Variants in ULK4 observed in about 807,000 individuals in gnomAD.
ULK4 encodes inactive serine/threonine-protein kinase ULK4.
A neutral mutation model predicts 160.6 loss-of-function variants in ULK4; 133 were observed. That is an observed-to-expected ratio of 0.83 (90% CI 0.72 to 0.96). ULK4 has a LOEUF of 0.96. Among genes scored for constraint, ULK4 ranks in the 40% least tolerant of loss-of-function variants. ULK4 has a pLI of 0.00. For missense variants in ULK4, 1,580 were observed against 1,499.5 expected (o/e 1.05, Z -0.89); for synonymous variants, 534 against 539.8 (o/e 0.99, Z 0.15).
intron 17 of ULK4, among the ~76,000 whole-genome samples, chr3:41,873,565 T>C (rs933791369): frequency 1.3e-5 from 2 of 152,216 alleles, no homozygotes; most frequent in African/African-American, 2.4e-5. Context: ...TTTTGTTTTT[T>C]GTTTTCGAGA....
At chr3:41,685,835 C>T (rs777033128) in intron 27 of ULK4, among the ~76,000 whole-genome samples, 6 of 152,012 alleles carry the variant, frequency 3.9e-5, no homozygotes, top group Non-Finnish European at 5.9e-5. Context: ...CCAGTGAAGC[C>T]TTGTATGGGA....
intron 34 of ULK4, among the ~76,000 whole-genome samples, chr3:41,445,694 C>G (rs1425553440): frequency 1.3e-5 from 2 of 152,114 alleles, no homozygotes; most frequent in East Asian, 3.9e-4. Context: ...AAACTGGATC[C>G]CTTCCTTACA....
intron 30 of ULK4, among the ~76,000 whole-genome samples, chr3:41,630,021 C>A (rs1410289179): frequency 6.6e-6 from 1 of 152,148 alleles, no homozygotes; most frequent in Non-Finnish European, 1.5e-5. Flanking sequence ...CTGAGTAGCA[C>A]TAGCCTACGT....
At chr3:41,518,817 C>G (rs539579418) in intron 32 of ULK4, among the ~76,000 whole-genome samples, 9 of 152,262 alleles carry the variant, frequency 5.9e-5, no homozygotes, top group African/African-American at 2.2e-4. Flanking sequence ...ATTTCCTGAG[C>G]GTCAGCAGCC....
chr3:41,926,059 C>T (rs1699374750), intron 5 of ULK4, among the ~76,000 whole-genome samples: 2 of 152,150 alleles, frequency 1.3e-5, no homozygotes, highest in Non-Finnish European at 2.9e-5. Context: ...GATTGGGAGA[C>T]ACTTCCCAGT....
chr3:41,430,609 G>A lies in ULK4; in HGVS notation c.3492+24888C>T, dbSNP rs139741281. Reference sequence around the variant, plus strand: ...GTACATTACTTCAGCACATTAATGAGGCTGTTCACAAAGAGAGTTTATTAC... The same window carrying A: ...GTACATTACTTCAGCACATTAATGAAGCTGTTCACAAAGAGAGTTTATTAC... On this transcript the variant is annotated intron_variant, in intron 34 of 36. Coordinates refer to ENST00000301831, the MANE Select transcript of ULK4 (RefSeq NM_017886.4). Among the ~76,000 whole-genome samples the A allele has an allele frequency of 4.9e-3, 741 of 152,204 alleles. 10 individuals carry two copies. The highest frequency in any genetic ancestry group is 0.012 in the African/African-American group (508 of 41,506).
intron 21 of ULK4, among the ~76,000 whole-genome samples, chr3:41,766,257 G>A (rs1019594858): frequency 2.6e-5 from 4 of 152,148 alleles, no homozygotes; most frequent in Non-Finnish European, 4.4e-5. Flanking sequence ...GTCAGAGCAA[G>A]ACTCTGTCTC....
intron 8 of ULK4, 120 bp downstream of exon 8, chr3:41,915,857 T>A (rs949128248): frequency 1.5e-6 from 1 of 680,246 alleles, no homozygotes; most frequent in African/African-American, 1.9e-5. Flanking sequence ...AACAGCACCA[T>A]TTTAGAAGTA....
chr3:41,676,804 G>T (rs1043386493), intron 29 of ULK4, among the ~76,000 whole-genome samples: 1 of 151,780 alleles, frequency 6.6e-6, no homozygotes, highest in Non-Finnish European at 1.5e-5. Context: ...CAATGTGCAG[G>T]TTTCTGCTGG....
chr3:41,457,171 C>T (rs552251415), intron 33 of ULK4, among the ~76,000 whole-genome samples: 63 of 152,218 alleles, frequency 4.1e-4, no homozygotes, highest in African/African-American at 1.5e-3. Context: ...TCCCTTAGAG[C>T]AGATTGATTT....
intron 35 of ULK4, among the ~76,000 whole-genome samples, chr3:41,342,758 G>A (rs915751670): frequency 2.6e-5 from 4 of 152,206 alleles, no homozygotes; most frequent in South Asian, 2.1e-4. Context: ...GATGAACACC[G>A]ATGTAAAAAT....
chr3:41,710,129 T>C (rs1403865302), intron 25 of ULK4, among the ~76,000 whole-genome samples: 1 of 152,170 alleles, frequency 6.6e-6, no homozygotes, highest in Non-Finnish European at 1.5e-5. Context: ...ATAAAGCTTG[T>C]CTAAATGCTG....
At chr3:41,378,489 G>A (rs58118938) in intron 35 of ULK4, among the ~76,000 whole-genome samples, 40,485 of 151,690 alleles carry the variant, frequency 0.27, 5,614 homozygotes, top group Middle Eastern at 0.36. Flanking sequence ...GTAGGGACAC[G>A]GATGAAGCTG....
At chr3:41,271,317 T>G (rs1429539659) in intron 35 of ULK4, among the ~76,000 whole-genome samples, 1 of 152,158 alleles carries the variant, frequency 6.6e-6, no homozygotes, top group Non-Finnish European at 1.5e-5. Flanking sequence ...TCATACCATA[T>G]ATATTCTTCT....
chr3:41,428,500 C>T (rs185447077), intron 34 of ULK4, among the ~76,000 whole-genome samples: 10 of 152,246 alleles, frequency 6.6e-5, no homozygotes, highest in South Asian at 2.1e-4. Flanking sequence ...GGAGGCATCA[C>T]GCTACCTGAC....
chr3:41,877,293 T>C (rs188269408), intron 17 of ULK4, among the ~76,000 whole-genome samples: 165 of 149,016 alleles, frequency 1.1e-3, no homozygotes, highest in African/African-American at 4.0e-3. Flanking sequence ...TTCTAAACTC[T>C]AAGCTAAAAA....
chr3:41,295,362 T>C (rs74655915), intron 35 of ULK4, among the ~76,000 whole-genome samples: 1,336 of 133,486 alleles, frequency 0.01, 250 homozygotes, highest in African/African-American at 0.033. Context: ...TGCAAAACTA[T>C]AAAACTCCTA....
chr3:41,639,315 C>G (rs1002405983), intron 30 of ULK4, among the ~76,000 whole-genome samples: 5 of 152,184 alleles, frequency 3.3e-5, no homozygotes, highest in African/African-American at 1.2e-4. Context: ...CATATTTTAA[C>G]ATCATCAGAA....
intron 34 of ULK4, among the ~76,000 whole-genome samples, chr3:41,402,331 C>A (rs185799461): frequency 1.6e-4 from 25 of 152,184 alleles, no homozygotes; most frequent in Middle Eastern, 3.4e-3. Context: ...TCTTTTCCAA[C>A]GGGTATTCCT....
Sources: allele counts gnomAD v4.1 joint callset (sites outside exome capture counted in the v4.1 genomes callset), GRCh38; gene constraint gnomAD v4.1.1; transcripts MANE v1.5; gene names NCBI Gene and HGNC (gene_info 2026-07-23, HGNC 2026-07-21).